CTNND2: variants seen among roughly 807,000 people sequenced by gnomAD.
CTNND2 encodes catenin delta 2, also known as catenin delta-2.
A neutral mutation model predicts 144.4 loss-of-function variants in CTNND2; 22 were observed. That is an observed-to-expected ratio of 0.15 (90% CI 0.11 to 0.22). The LOEUF (loss-of-function observed/expected upper bound fraction) is 0.22. Ranked by LOEUF, CTNND2 falls within the 10% of genes least tolerant of loss-of-function variation. The pLI, the probability that CTNND2 is intolerant of heterozygous loss-of-function variation, is 1.00. For missense variants in CTNND2, 1,353 were observed against 1,618.8 expected (o/e 0.84, Z 2.82); for synonymous variants, 751 against 695.6 (o/e 1.08, Z -1.25).
chr5:11,887,197 A>G (rs1582069305), intron 1 of CTNND2, among the ~76,000 whole-genome samples: 1 of 151,944 alleles, frequency 6.6e-6, no homozygotes, highest in East Asian at 1.9e-4. Context: ...GTTAGCCAGA[A>G]TGGTCTTGAT....
chr5:11,512,204 C>A (rs1234260089), intron 3 of CTNND2, among the ~76,000 whole-genome samples: 1 of 152,124 alleles, frequency 6.6e-6, no homozygotes, highest in African/African-American at 2.4e-5. Flanking sequence ...CTTAAAATTC[C>A]TAATATTTTT....
At chr5:11,837,119 T>C (rs529811819) in intron 1 of CTNND2, among the ~76,000 whole-genome samples, 13 of 152,336 alleles carry the variant, frequency 8.5e-5, no homozygotes, top group South Asian at 4.1e-4. Flanking sequence ...ACCACTTCTC[T>C]AGCTCTGAAG....
At chr5:11,890,690 T>C (rs756055215) in intron 1 of CTNND2, among the ~76,000 whole-genome samples, 2 of 152,190 alleles carry the variant, frequency 1.3e-5, no homozygotes, top group Admixed American at 1.3e-4. Flanking sequence ...TGCAGTCTAA[T>C]GGAAGGAGAC....
chr5:11,489,412 A>C (rs965410594), intron 3 of CTNND2, among the ~76,000 whole-genome samples: 2 of 152,176 alleles, frequency 1.3e-5, no homozygotes, highest in Non-Finnish European at 2.9e-5. Context: ...ATATTCCTAG[A>C]TAAAATTTGT....
chr5:11,293,272 T>C (rs1434725985), intron 9 of CTNND2, among the ~76,000 whole-genome samples: 1 of 152,192 alleles, frequency 6.6e-6, no homozygotes, highest in Admixed American at 6.5e-5. Flanking sequence ...GGGACAATGT[T>C]ATACAGGTGA....
intron 2 of CTNND2, among the ~76,000 whole-genome samples, chr5:11,626,495 T>A (rs561555715): frequency 6.6e-6 from 1 of 152,180 alleles, no homozygotes; most frequent in African/African-American, 2.4e-5. Flanking sequence ...AATTGTAAAA[T>A]TATATTCCAT....
intron 8 of CTNND2, among the ~76,000 whole-genome samples, chr5:11,359,361 C>T (rs1027324482): frequency 6.6e-6 from 1 of 152,194 alleles, no homozygotes; most frequent in African/African-American, 2.4e-5. Context: ...TGCTGCAGTT[C>T]ACACAATTCT....
chr5:11,029,516 T>C (rs759923062), intron 16 of CTNND2, among the ~76,000 whole-genome samples: 26 of 152,382 alleles, frequency 1.7e-4, no homozygotes, highest in Middle Eastern at 3.4e-3. Context: ...TTTGAATTTA[T>C]ACCAGGTTAA....
chr5:11,619,822 T>C (rs1780749841), intron 2 of CTNND2, among the ~76,000 whole-genome samples: 1 of 152,212 alleles, frequency 6.6e-6, no homozygotes. Flanking sequence ...CATTAACTAC[T>C]GGTGCCATCT....
chr5:11,313,070 T>C (rs1751153325), intron 9 of CTNND2, among the ~76,000 whole-genome samples: 1 of 152,234 alleles, frequency 6.6e-6, no homozygotes, highest in Admixed American at 6.5e-5. Flanking sequence ...TTTTTCTCTC[T>C]AAACTCCTGT....
chr5:11,290,310 A>C (rs1256059412), intron 9 of CTNND2, among the ~76,000 whole-genome samples: 1 of 152,206 alleles, frequency 6.6e-6, no homozygotes, highest in Non-Finnish European at 1.5e-5. Context: ...AATTATGCTT[A>C]TAACTACCTA....
At chr5:11,423,177 T>G (rs1762505813) in intron 3 of CTNND2, among the ~76,000 whole-genome samples, 1 of 152,232 alleles carries the variant, frequency 6.6e-6, no homozygotes, top group South Asian at 2.1e-4. Context: ...TGTTTTGAAG[T>G]ACTTTCCAAA....
At chr5:11,702,295 G>C (rs1785478471) in intron 2 of CTNND2, among the ~76,000 whole-genome samples, 1 of 152,186 alleles carries the variant, frequency 6.6e-6, no homozygotes, top group Admixed American at 6.5e-5. Context: ...CAAGGTCCCA[G>C]TATCTGATTT....
chr5:11,051,842 C>A (rs2149583221), intron 16 of CTNND2, among the ~76,000 whole-genome samples: 1 of 152,290 alleles, frequency 6.6e-6, no homozygotes, highest in African/African-American at 2.4e-5. Context: ...CCCAAAGCAA[C>A]TGAGAATAAA....
chr5:11,404,434 C>A (rs1326922992), intron 5 of CTNND2, among the ~76,000 whole-genome samples: 10 of 151,960 alleles, frequency 6.6e-5, no homozygotes, highest in African/African-American at 2.4e-4. Context: ...TTTGTTCCTG[C>A]CATTAATAAG....
intron 2 of CTNND2, among the ~76,000 whole-genome samples, chr5:11,585,223 G>C (rs2429307): frequency 0.77 from 116,801 of 151,936 alleles, 45,475 homozygotes; most frequent in Middle Eastern, 0.87. Flanking sequence ...GTCTTACTCT[G>C]CTCCGATGCA....
intron 9 of CTNND2, among the ~76,000 whole-genome samples, chr5:11,278,955 T>G (rs954510654): frequency 8.5e-5 from 13 of 152,138 alleles, no homozygotes; most frequent in African/African-American, 3.1e-4. Context: ...TTCTTTACCT[T>G]CACTAACTCC....
At chr5:11,439,110 ACCTCTC>A (rs1007908836) in intron 3 of CTNND2, among the ~76,000 whole-genome samples, 3 of 152,004 alleles carry the variant, frequency 2.0e-5, no homozygotes, top group African/African-American at 7.2e-5. Context: ...AAGCTCAGTA[ACCTCTC>A]ATTTCCTGAA....
chr5:11,015,480 G>A (rs922723863), intron 18 of CTNND2, among the ~76,000 whole-genome samples: 5 of 152,130 alleles, frequency 3.3e-5, no homozygotes, highest in African/African-American at 9.7e-5. Flanking sequence ...CATATTTTAA[G>A]CATCTTCAAC....
Sources: gnomAD v4.1 joint callset for allele counts (sites outside exome capture counted in the v4.1 genomes callset) on GRCh38, gnomAD v4.1.1 for gene constraint, MANE v1.5 for transcripts, NCBI Gene and HGNC (gene_info 2026-07-23, HGNC 2026-07-21) for gene names.